The following ADGRE3 variants were observed in gnomAD, a reference collection of about 807,000 sequenced individuals.
The protein encoded by ADGRE3 is EGF-like module receptor 3.
Under a neutral mutation model 80.1 loss-of-function variants are expected in ADGRE3, and 88 were observed. The observed-to-expected ratio is 1.10, with a 90% CI of 0.93 to 1.31. The LOEUF (loss-of-function observed/expected upper bound fraction) is 1.31, where lower values mean the gene tolerates loss of function less well. Among genes scored for constraint, ADGRE3 ranks in the 40% most tolerant of loss-of-function variants. The pLI, the probability that ADGRE3 is intolerant of heterozygous loss-of-function variation, is 0.00. For missense variants in ADGRE3, 715 were observed against 776.5 expected (o/e 0.92, Z 0.94); for synonymous variants, 281 against 294.8 (o/e 0.95, Z 0.48).
At chr19:14,670,248 G>A (rs186350523) in intron 1 of ADGRE3, among the ~76,000 whole-genome samples, 1 of 152,228 alleles carries the variant, frequency 6.6e-6, no homozygotes, top group East Asian at 1.9e-4. Context: ...AGGGTGTTGG[G>A]CTTGTTTGGG....
In ADGRE3 at chr19:14,667,853, G is replaced by A. The variant is rs118101453; in HGVS notation, c.76+949C>T. Reference sequence around the variant, plus strand: ...TAAAAAAAATAAATTTACGATCTTAGCCATTACTAGGTGTACAGTTCGGTG... The same window carrying A: ...TAAAAAAAATAAATTTACGATCTTAACCATTACTAGGTGTACAGTTCGGTG... On this transcript the variant is annotated intron_variant, in intron 2 of 15. Transcript: ENST00000253673. Among the ~76,000 whole-genome samples, 257 of 152,288 alleles carry A rather than the reference G, an allele frequency of 1.7e-3. 9 individuals carry two copies. The East Asian group carries it at 0.045, about 27-fold the overall frequency.
the ADGRE3 span, among the ~76,000 whole-genome samples, chr19:14,601,389 T>C: frequency 6.6e-6 from 1 of 152,114 alleles, no homozygotes; most frequent in African/African-American, 2.4e-5. Context: ...AGAAGGAGGA[T>C]TGGAATATGG....
the ADGRE3 span, among the ~76,000 whole-genome samples, chr19:14,612,748 T>G: frequency 4.3e-4 from 66 of 152,138 alleles, no homozygotes; most frequent in Non-Finnish European, 8.5e-4. Flanking sequence ...GCCCATAACA[T>G]TCACAAACTG....
Position 14,644,255 on chromosome 19 carries a change from CT to C in ADGRE3, c.902del (p.Lys301ArgfsTer23). 11 of 1,558,900 alleles carry C rather than the reference CT, an allele frequency of 7.1e-6. No individual in the cohort carries two copies. Among genetic ancestry groups the C allele is most frequent in the South Asian group, 2.4e-5 (2 of 84,166 alleles). On this transcript the variant is annotated frameshift_variant, in exon 9 of 16. Transcript: ENST00000253673. LOFTEE classifies it high-confidence loss of function. ...TGCTCTTCCAGTAGACACAGAAGAC[CT>C]TTTTGGTACTGGGGGTCATCTGAAA... ...QHVKMTPSTK[K>X]VFCVYWKSTG...
the ADGRE3 span, chr19:14,607,102 G>T: frequency 7.8e-7 from 1 of 1,284,790 alleles, no homozygotes; most frequent in South Asian, 2.5e-5. Flanking sequence ...GTGACATTAA[G>T]GCAAGTGCTT....
At chr19:14,650,992 C>T (rs1971590312) in intron 7 of ADGRE3, 93 bp downstream of exon 7, 13 of 1,375,476 alleles carry the variant, frequency 9.5e-6, no homozygotes, top group Middle Eastern at 1.9e-4. Context: ...GTAAAAAGCC[C>T]ATGAGGGGAG....
At chr19:14,624,368 A>G (rs1970680504) in intron 15 of ADGRE3, among the ~76,000 whole-genome samples, 1 of 152,220 alleles carries the variant, frequency 6.6e-6, no homozygotes, top group South Asian at 2.1e-4. Flanking sequence ...TGTTGGGATT[A>G]TAGGCGTGAG....
chr19:14,669,270 A>G (rs1972187934), intron 1 of ADGRE3, among the ~76,000 whole-genome samples: 1 of 152,190 alleles, frequency 6.6e-6, no homozygotes, highest in Non-Finnish European at 1.5e-5. Flanking sequence ...AGCAACATGG[A>G]TGGAGCTGGA....
chr19:14,625,843 C>T (rs1970724204), intron 14 of ADGRE3, among the ~76,000 whole-genome samples: 1 of 152,128 alleles, frequency 6.6e-6, no homozygotes, highest in Admixed American at 6.6e-5. Context: ...TGAAAAGGCA[C>T]ATACTGTATG....
intron 2 of ADGRE3, among the ~76,000 whole-genome samples, chr19:14,665,055 ATTTTTTTTTTTT>A (rs916325882): frequency 1.1e-5 from 1 of 89,808 alleles, no homozygotes; most frequent in South Asian, 3.5e-4. Flanking sequence ...GAGCAACCTC[ATTTTTTTTTTTT>A]TTTTTTTTTT....
At chr19:14,654,242 C>T (rs1301097903) in intron 6 of ADGRE3, among the ~76,000 whole-genome samples, 1 of 149,906 alleles carries the variant, frequency 6.7e-6, no homozygotes, top group Non-Finnish European at 1.5e-5. Context: ...TGTAAGCCAC[C>T]ATGCCCAGCC....
rs751053761 is a variant in ADGRE3, at chr19:14,647,402, T to TTTTC, written c.698-41_698-38dup. 2.0e-5 allele frequency: 28 copies of TTTTC among 1,407,806 alleles called. No individual in the cohort carries two copies. The Admixed American group carries it at 6.3e-4, about 32-fold the overall frequency. The allele number at this position is 1,407,806 out of a possible 1,614,324, so 87.2% of individuals were successfully genotyped here. A position where few individuals can be genotyped will look rare whatever the true frequency, so the allele number is the denominator to read the frequency against. The stretch of plus-strand genomic sequence containing the variant: ...GAAAGATGGAATCTTTTTTCTTTTC[T>TTTTC]TTTCTTTCTTTTTTTTTTTTTTTTT... On this transcript the variant is annotated intron_variant, in intron 7 of 15. Transcript: ENST00000253673.
At chr19:14,669,758 G>A (rs541083843) in intron 1 of ADGRE3, among the ~76,000 whole-genome samples, 7 of 152,040 alleles carry the variant, frequency 4.6e-5, no homozygotes, top group Admixed American at 2.6e-4. Flanking sequence ...CCAAAGTGCC[G>A]GGATTACGGG....
chr19:14,636,145 T>TTC (rs1158142057), intron 11 of ADGRE3, among the ~76,000 whole-genome samples: 1,633 of 22,254 alleles, frequency 0.073, 325 homozygotes, highest in Middle Eastern at 0.17. Context: ...TTTCTTTCTT[T>TTC]CTTTCTTCCT....
intron 15 of ADGRE3, among the ~76,000 whole-genome samples, chr19:14,620,127 A>G (rs879782921): frequency 1.8e-4 from 27 of 152,158 alleles, no homozygotes; most frequent in Non-Finnish European, 3.8e-4. Context: ...TCTTGGGAAC[A>G]GAGTTAGAAA....
rs747118310 is a variant in ADGRE3, at chr19:14,663,555, G to A, written c.77-15C>T. 3.7e-6 allele frequency: 6 copies of A among 1,610,096 alleles called. No homozygotes were observed. The Admixed American group carries it at 1.0e-4, about 27-fold the overall frequency. ...AGCACAGGAAGCTGCAGGGAGAAGA[G>A]AGGCAGGTTAAATGGACTGGGGTCA... On this transcript the variant is annotated splice_polypyrimidine_tract_variant and intron_variant, in intron 2 of 15. Coordinates refer to ENST00000253673, the MANE Select transcript of ADGRE3 (RefSeq NM_032571.5).
chr19:14,636,094 C>CT (rs1243795726), intron 11 of ADGRE3, among the ~76,000 whole-genome samples: 1 of 37,114 alleles, frequency 2.7e-5, no homozygotes, highest in Non-Finnish European at 6.1e-5. Flanking sequence ...TTCTTTCTTT[C>CT]TTTCTTTCTT....
intron 15 of ADGRE3, among the ~76,000 whole-genome samples, chr19:14,619,858 C>T (rs1970487367): frequency 6.6e-6 from 1 of 152,134 alleles, no homozygotes; most frequent in Non-Finnish European, 1.5e-5. Context: ...TCTCTTTGCA[C>T]CCCACAACTT....
At chr19:14,659,878 A>G (rs943651726) in intron 4 of ADGRE3, among the ~76,000 whole-genome samples, 1 of 146,862 alleles carries the variant, frequency 6.8e-6, no homozygotes, top group Non-Finnish European at 1.5e-5. Flanking sequence ...ATGTTTACAT[A>G]TCTTTTATCA....
Sources: allele counts gnomAD v4.1 joint callset (sites outside exome capture counted in the v4.1 genomes callset), GRCh38; gene constraint gnomAD v4.1.1; transcripts MANE v1.5; gene names NCBI Gene and HGNC (gene_info 2026-07-23, HGNC 2026-07-21).